Variants in CNTNAP2 observed in about 807,000 individuals in gnomAD.
The protein encoded by CNTNAP2 is contactin-associated protein-like 2.
CNTNAP2 carries 98 observed loss-of-function variants against 155.2 expected under a neutral mutation model. The observed-to-expected ratio is 0.63, with a 90% CI of 0.54 to 0.75. The LOEUF is 0.75. CNTNAP2 is among the 30% of genes least tolerant of loss of function. CNTNAP2 has a pLI of 0.00. For missense variants in CNTNAP2, 1,727 were observed against 1,688.1 expected, an observed-to-expected ratio of 1.02 and a Z score of -0.40; for synonymous variants, 651 against 631.2, an observed-to-expected ratio of 1.03 and a Z score of -0.47.
chr7:147,564,654 G>A (rs977050650), intron 12 of CNTNAP2, among the ~76,000 whole-genome samples: 5 of 151,998 alleles, frequency 3.3e-5, no homozygotes, highest in African/African-American at 1.2e-4. Context: ...CTCATATCAA[G>A]GACACACACA....
intron 1 of CNTNAP2, among the ~76,000 whole-genome samples, chr7:146,454,344 C>G (rs1796524938): frequency 6.6e-6 from 1 of 152,076 alleles, no homozygotes; most frequent in African/African-American, 2.4e-5. Context: ...TAACAAATAA[C>G]TTTGAAATAA....
At chr7:148,103,029 A>AG (rs781357722) in intron 15 of CNTNAP2, among the ~76,000 whole-genome samples, 2 of 152,086 alleles carry the variant, frequency 1.3e-5, no homozygotes, top group Non-Finnish European at 2.9e-5. Flanking sequence ...CGAAATGGGG[A>AG]GGGGGCTTCC....
intron 1 of CNTNAP2, among the ~76,000 whole-genome samples, chr7:146,211,445 A>G (rs992095022): frequency 3.9e-5 from 6 of 152,138 alleles, no homozygotes; most frequent in Admixed American, 2.0e-4. Context: ...TTTTTTGTGA[A>G]GGTGACATTA....
rs147897969 is a variant in CNTNAP2, at chr7:146,440,391, C to T, written c.97+323418C>T. On this transcript the variant is annotated intron_variant, in intron 1 of 23. Transcript: ENST00000361727. Reference sequence around the variant, plus strand: ...ATTTTTCTCATAAGAAACTAGATCACGTATTTCTTTTACCAAAATTCTATT... The same window carrying T: ...ATTTTTCTCATAAGAAACTAGATCATGTATTTCTTTTACCAAAATTCTATT... Among the ~76,000 whole-genome samples the T allele has an allele frequency of 4.0e-5, 6 of 151,508 alleles. No individual in the cohort carries two copies. In the East Asian group the frequency reaches 5.8e-4, roughly 15 times the overall value.
intron 3 of CNTNAP2, among the ~76,000 whole-genome samples, chr7:146,892,258 G>A (rs1795794011): frequency 6.6e-6 from 1 of 152,124 alleles, no homozygotes; most frequent in South Asian, 2.1e-4. Flanking sequence ...ATAGGTTACT[G>A]AGACTTTGAC....
At chr7:148,391,780 T>C (rs1176592752) in intron 22 of CNTNAP2, among the ~76,000 whole-genome samples, 1 of 152,160 alleles carries the variant, frequency 6.6e-6, no homozygotes, top group Non-Finnish European at 1.5e-5. Context: ...GCAGTGCACA[T>C]TCTGTAAAAT....
chr7:146,816,780 T>C (rs1177179036), intron 2 of CNTNAP2, among the ~76,000 whole-genome samples: 2 of 152,188 alleles, frequency 1.3e-5, no homozygotes, highest in African/African-American at 4.8e-5. Context: ...TACTAGCTGC[T>C]TTTCTTACTA....
chr7:147,156,931 G>A (rs1030230315), intron 8 of CNTNAP2, among the ~76,000 whole-genome samples: 2 of 151,984 alleles, frequency 1.3e-5, no homozygotes, highest in Non-Finnish European at 1.5e-5. Context: ...AGAATCACAA[G>A]AAAAGAAAAT....
rs771425298 is a variant in CNTNAP2 at position 146,757,151 on chromosome 7, G to T, written c.98-17120G>T. ...GACATAAGCAGACAGTGATCCACTT[G>T]TGTTATGAAGGTAGCAGTAAATGGG... On this transcript the variant is annotated intron_variant, in intron 1 of 23. Coordinates refer to ENST00000361727, the MANE Select transcript of CNTNAP2 (RefSeq NM_014141.6). Among the ~76,000 whole-genome samples the T allele has an allele frequency of 3.7e-4, 57 of 152,110 alleles. 1 individual carries two copies. The highest frequency in any genetic ancestry group is 2.6e-4 in the Admixed American group (4 of 15,268).
intron 1 of CNTNAP2, among the ~76,000 whole-genome samples, chr7:146,497,027 C>G (rs1275199689): frequency 6.6e-6 from 1 of 152,186 alleles, no homozygotes; most frequent in Non-Finnish European, 1.5e-5. Context: ...TACATGTAAT[C>G]TCCTTTCCAC....
At chr7:146,615,230 A>G (rs894104494) in intron 1 of CNTNAP2, among the ~76,000 whole-genome samples, 2 of 152,190 alleles carry the variant, frequency 1.3e-5, no homozygotes, top group Non-Finnish European at 2.9e-5. Context: ...ACAGTACACA[A>G]TCATTAAACT....
chr7:147,856,718 T>C lies in CNTNAP2; in HGVS notation c.2099-46847T>C, dbSNP rs1204692459. 2.0e-5 allele frequency among the ~76,000 whole-genome samples: 3 copies of C among 151,072 alleles called. No individual in the cohort carries two copies. In the South Asian group the frequency reaches 6.4e-4, roughly 32 times the overall value. ...TGGAATTTAATTTCTTATCAGGCAA[T>C]AGCCAAGGGAAAATATTTCTGTTAA... is the stretch of plus-strand genomic sequence containing the variant. On this transcript the variant is annotated intron_variant, in intron 13 of 23. Transcript: ENST00000361727.
chr7:147,997,857 T>C (rs1342000390), intron 15 of CNTNAP2, among the ~76,000 whole-genome samples: 1 of 152,126 alleles, frequency 6.6e-6, no homozygotes, highest in Non-Finnish European at 1.5e-5. Context: ...TGCGTGTTCA[T>C]ACGTCTCATG....
rs140713308 is a variant in CNTNAP2, at chr7:147,417,067, C to T, written c.1670+21287C>T. ...TTGCGCCACTGCACTCCAGCCTAAGCGACAGAGCAAGACTCTGGTCTCAAA... is the reference window on the plus strand; with the variant it reads ...TTGCGCCACTGCACTCCAGCCTAAGTGACAGAGCAAGACTCTGGTCTCAAA... On this transcript the variant is annotated intron_variant, in intron 10 of 23. Transcript: ENST00000361727. Among the ~76,000 whole-genome samples the T allele has an allele frequency of 4.0e-4, 57 of 143,782 alleles. No individual in the cohort carries two copies. The East Asian group carries it at 8.9e-3, about 22-fold the overall frequency. 94.3% of individuals were successfully genotyped at this position (143,782 alleles called of 152,430 possible). A position where few individuals can be genotyped will look rare whatever the true frequency, so the allele number is the denominator to read the frequency against.
chr7:146,959,783 A>G (rs1191128696), intron 3 of CNTNAP2, among the ~76,000 whole-genome samples: 2 of 152,080 alleles, frequency 1.3e-5, no homozygotes, highest in Non-Finnish European at 2.9e-5. Context: ...CTGATTGTAA[A>G]ATAGGAACAG....
At chr7:146,903,933 C>G (rs950139704) in intron 3 of CNTNAP2, among the ~76,000 whole-genome samples, 2 of 152,208 alleles carry the variant, frequency 1.3e-5, no homozygotes, top group Non-Finnish European at 2.9e-5. Flanking sequence ...GAGTTTTTCT[C>G]TACTATATAT....
intron 2 of CNTNAP2, among the ~76,000 whole-genome samples, chr7:146,793,774 A>G (rs778321611): frequency 3.9e-5 from 6 of 152,222 alleles, no homozygotes; most frequent in Non-Finnish European, 7.3e-5. Context: ...CCAGGGTGGG[A>G]TTAGACAGCA....
At position 147,895,101 on chromosome 7, in the gene CNTNAP2, G is replaced by A. The variant is rs373896676; in HGVS notation, c.2099-8464G>A. ...TTCCCCTGCCTCATCAGCCTCCTGA[G>A]TAGCTGGGATTACAGGTGCACACCA... On this transcript the variant is annotated intron_variant, in intron 13 of 23. Coordinates refer to ENST00000361727, the MANE Select transcript of CNTNAP2 (RefSeq NM_014141.6). 9.3e-5 allele frequency among the ~76,000 whole-genome samples: 14 copies of A among 150,528 alleles called. 1 individual carries two copies. The highest frequency in any genetic ancestry group is 6.7e-4 in the Admixed American group (10 of 15,006).
intron 13 of CNTNAP2, among the ~76,000 whole-genome samples, chr7:147,837,771 C>T (rs189667554): frequency 1.3e-5 from 2 of 152,200 alleles, no homozygotes; most frequent in Non-Finnish European, 2.9e-5. Context: ...GCTGTCAAAT[C>T]TTAAAGCTCC....
Sources: gnomAD v4.1 joint callset for allele counts (sites outside exome capture counted in the v4.1 genomes callset) on GRCh38, gnomAD v4.1.1 for gene constraint, MANE v1.5 for transcripts, NCBI Gene and HGNC (gene_info 2026-07-23, HGNC 2026-07-21) for gene names.